Variants in GNAT3 observed in about 807,000 individuals in gnomAD.
The protein encoded by GNAT3 is guanine nucleotide-binding protein G(t) subunit alpha-3.
GNAT3 carries 31 observed loss-of-function variants against 37.7 expected under a neutral mutation model. The ratio of observed to expected loss-of-function variants is 0.82; its 90% CI spans 0.62 to 1.11. GNAT3 has a LOEUF of 1.11. GNAT3 is among the 50% of genes most tolerant of loss of function. GNAT3 has a pLI of 0.00. For missense variants in GNAT3, 437 were observed against 412.5 expected, an observed-to-expected ratio of 1.06 and a Z score of -0.51; for synonymous variants, 138 against 139.8, an observed-to-expected ratio of 0.99 and a Z score of 0.09.
chr7:80,473,924 C>G (rs925990157), intron 5 of GNAT3, among the ~76,000 whole-genome samples: 1 of 152,082 alleles, frequency 6.6e-6, no homozygotes, highest in African/African-American at 2.4e-5. Flanking sequence ...TCCTGGCACC[C>G]ATTTCTTGTA....
chr7:80,489,526 T>TG (rs1295657691), intron 2 of GNAT3, among the ~76,000 whole-genome samples: 4 of 152,068 alleles, frequency 2.6e-5, no homozygotes, highest in African/African-American at 9.7e-5. Flanking sequence ...GGCTTTAGCA[T>TG]GGGGGGAAAA....
intron 5 of GNAT3, among the ~76,000 whole-genome samples, chr7:80,465,317 T>C (rs932490432): frequency 4.6e-5 from 7 of 152,242 alleles, no homozygotes; most frequent in East Asian, 1.9e-4. Context: ...ACATCACCAG[T>C]TGTAATGGAT....
intron 5 of GNAT3, among the ~76,000 whole-genome samples, chr7:80,464,426 C>T (rs1790100665): frequency 6.6e-6 from 1 of 152,034 alleles, no homozygotes; most frequent in Non-Finnish European, 1.5e-5. Context: ...ATGTGATCAG[C>T]CAGCAGTGGA....
intron 5 of GNAT3, among the ~76,000 whole-genome samples, chr7:80,471,252 C>T (rs7456677): frequency 0.91 from 136,269 of 149,634 alleles, 62,308 homozygotes; most frequent in Middle Eastern, 0.98. Context: ...ATTGTGCCCA[C>T]CCAGATTAAG....
chr7:80,502,618 A>C (rs561463170), intron 1 of GNAT3, among the ~76,000 whole-genome samples: 17 of 152,062 alleles, frequency 1.1e-4, no homozygotes, highest in Non-Finnish European at 1.9e-4. Context: ...GGAGGATTGA[A>C]TTTATCAAGC....
chr7:80,474,534 A>T (rs1562722969), intron 4 of GNAT3, among the ~76,000 whole-genome samples, 155 bp from the exon 5 acceptor site: 1 of 152,144 alleles, frequency 6.6e-6, no homozygotes, highest in African/African-American at 2.4e-5. Context: ...GTAGAAATGA[A>T]TTTTTAGCGT....
intron 3 of GNAT3, among the ~76,000 whole-genome samples, chr7:80,481,452 G>C (rs1790391278): frequency 6.6e-6 from 1 of 152,128 alleles, no homozygotes; most frequent in African/African-American, 2.4e-5. Context: ...CATTGAAACA[G>C]AGATCTTAGG....
At chr7:80,490,695 T>A (rs1344821685) in intron 2 of GNAT3, among the ~76,000 whole-genome samples, 3 of 152,188 alleles carry the variant, frequency 2.0e-5, no homozygotes, top group Admixed American at 2.0e-4. Flanking sequence ...TTTCTTACAA[T>A]AAGCCCTTTA....
At position 80,507,268 on chromosome 7, in the gene GNAT3, G is replaced by C. The variant is rs926350444; in HGVS notation, c.118+4541C>G. Among the ~76,000 whole-genome samples the C allele has an allele frequency of 7.9e-5, 12 of 151,920 alleles. No homozygotes were observed. In the South Asian group the frequency reaches 1.2e-3, roughly 16 times the overall value. Reference sequence around the variant, plus strand: ...AGTTGATGAACTTGTAATCTAACCAGTAAGTCAGAAACAACTCTAGTTTCC... The same window carrying C: ...AGTTGATGAACTTGTAATCTAACCACTAAGTCAGAAACAACTCTAGTTTCC... On this transcript the variant is annotated intron_variant, in intron 1 of 7. Coordinates refer to ENST00000398291, the MANE Select transcript of GNAT3 (RefSeq NM_001102386.3).
intron 3 of GNAT3, among the ~76,000 whole-genome samples, 193 bp downstream of exon 3, chr7:80,488,342 C>T (rs1159502799): frequency 1.3e-5 from 2 of 151,958 alleles, no homozygotes; most frequent in African/African-American, 4.8e-5. Context: ...AATAATATTA[C>T]AGTATATAGT....
chr7:80,484,892 A>G (rs1790451586), intron 3 of GNAT3, among the ~76,000 whole-genome samples: 1 of 152,046 alleles, frequency 6.6e-6, no homozygotes, highest in South Asian at 2.1e-4. Flanking sequence ...CTGTTCCAAT[A>G]GCCTATTCTC....
At position 80,458,921 on chromosome 7, in the gene GNAT3, A is replaced by G; in HGVS notation, c.875-60T>C. ...AATCATATGTTACAAAGAATAGGCT[A>G]TAAATAATATCAGCAAATTTTAGGA... On this transcript the variant is annotated intron_variant, in intron 7 of 7. Transcript: ENST00000398291. 2.7e-6 allele frequency: 3 copies of G among 1,124,446 alleles called. No homozygotes were observed. The South Asian group carries it at 4.6e-5, about 17-fold the overall frequency. 69.7% of individuals were successfully genotyped at this position (1,124,446 alleles called of 1,614,324 possible).
Position 80,458,750 on chromosome 7 carries a change from G to A in GNAT3, c.986C>T (p.Thr329Ile), listed in dbSNP as rs1789996641. The change falls in exon 8 of 8, where the codon ACC becomes ATC. Residue 329 changes from threonine to isoleucine, a missense_variant. Thr to Ile is a moderately conservative substitution (Grantham distance 89, BLOSUM62 -1). Transcript: ENST00000398291. ...IYSHMTCATD[T>I]QNVKFVFDAV... ...GTCAAACACAAACTTGACATTTTGGGTGTCAGTAGCACAGGTCATGTGGGA... is the reference window on the plus strand; with the variant it reads ...GTCAAACACAAACTTGACATTTTGGATGTCAGTAGCACAGGTCATGTGGGA... 1 of 1,599,494 alleles carries A rather than the reference G, an allele frequency of 6.3e-7. No homozygotes were observed. The highest frequency in any genetic ancestry group is 1.7e-4 in the Middle Eastern group (1 of 6,040).
chr7:80,461,861 C>G (rs1790056031), intron 7 of GNAT3, among the ~76,000 whole-genome samples: 1 of 152,140 alleles, frequency 6.6e-6, no homozygotes, highest in African/African-American at 2.4e-5. Context: ...GATTTGCATT[C>G]CTGTTATAAT....
chr7:80,496,517 CCTAACACTTTTCTT>C (rs1486365854), intron 1 of GNAT3, among the ~76,000 whole-genome samples: 2 of 151,906 alleles, frequency 1.3e-5, no homozygotes, highest in Admixed American at 6.6e-5. Flanking sequence ...ACACTTTTCT[CCTAACACTTTTCTT>C]CTTCTACATG....
intron 1 of GNAT3, among the ~76,000 whole-genome samples, chr7:80,507,184 A>G (rs1443817555): frequency 6.6e-6 from 1 of 152,010 alleles, no homozygotes; most frequent in African/African-American, 2.4e-5. Flanking sequence ...ATCTGATCTT[A>G]TCCATGGACA....
intron 1 of GNAT3, among the ~76,000 whole-genome samples, chr7:80,507,638 A>G (rs1790973918): frequency 6.6e-6 from 1 of 152,044 alleles, no homozygotes; most frequent in African/African-American, 2.4e-5. Flanking sequence ...AGGTATTAAT[A>G]AATCAATTTC....
chr7:80,494,465 G>T (rs1256658924), intron 2 of GNAT3, 140 bp downstream of exon 2: 3 of 548,882 alleles, frequency 5.5e-6, no homozygotes, highest in Non-Finnish European at 9.9e-6. Flanking sequence ...AGGTATATTT[G>T]CACAGGAACT....
chr7:80,475,024 C>T (rs112779799), intron 4 of GNAT3, among the ~76,000 whole-genome samples: 2,767 of 152,174 alleles, frequency 0.018, 78 homozygotes, highest in African/African-American at 0.063. Flanking sequence ...ATTTGTCTCT[C>T]TTCCTGGTCT....
Sources: gnomAD v4.1 joint callset for allele counts (sites outside exome capture counted in the v4.1 genomes callset) on GRCh38, gnomAD v4.1.1 for gene constraint, MANE v1.5 for transcripts, NCBI Gene and HGNC (gene_info 2026-07-23, HGNC 2026-07-21) for gene names.